Variants in PRKAG2 observed in about 807,000 individuals in gnomAD.
The protein encoded by PRKAG2 is protein kinase AMP-activated non-catalytic subunit gamma 2.
PRKAG2 carries 26 observed loss-of-function variants against 69.6 expected under a neutral mutation model. The observed-to-expected ratio is 0.37, with a 90% CI of 0.27 to 0.52. PRKAG2 has a LOEUF of 0.52. PRKAG2 is among the 20% of genes least tolerant of loss of function. The pLI, the probability that PRKAG2 is intolerant of heterozygous loss-of-function variation, is 0.90. For missense variants in PRKAG2, 557 were observed against 740.0 expected, an observed-to-expected ratio of 0.75 and a Z score of 2.87; for synonymous variants, 293 against 285.0, an observed-to-expected ratio of 1.03 and a Z score of -0.28.
At position 151,650,093 on chromosome 7, in the gene PRKAG2, C is replaced by T. The variant is rs531953329; in HGVS notation, c.685-17955G>A. Among the ~76,000 whole-genome samples, 36 of 152,144 alleles carry T rather than the reference C, an allele frequency of 2.4e-4. No individual in the cohort carries two copies. In the South Asian group the frequency reaches 5.8e-3, roughly 25 times the overall value. On this transcript the variant is annotated intron_variant, in intron 4 of 15. Transcript: ENST00000287878. ...AAAATTAGCCGGACACGGTGGCACG[C>T]GCCTATAGTCCCAGCTACTCAGGAG... is the stretch of plus-strand genomic sequence containing the variant.
intron 3 of PRKAG2, among the ~76,000 whole-genome samples, chr7:151,747,870 G>A (rs1358702528): frequency 6.6e-6 from 1 of 151,712 alleles, no homozygotes; most frequent in East Asian, 1.9e-4. Flanking sequence ...CACTCTCAGT[G>A]GGGCTAAGGG....
At chr7:151,863,903 C>CAA (rs60123822) in intron 1 of PRKAG2, among the ~76,000 whole-genome samples, 2 of 143,906 alleles carry the variant, frequency 1.4e-5, no homozygotes, top group African/African-American at 2.6e-5. Flanking sequence ...AACCCTGTCT[C>CAA]AAAAAAAAAA....
At position 151,777,543 on chromosome 7, in the gene PRKAG2, C is replaced by T. The variant is rs571484038; in HGVS notation, c.466+3609G>A. Among the ~76,000 whole-genome samples the T allele has an allele frequency of 1.1e-4, 16 of 152,280 alleles. No homozygotes were observed. The highest frequency in any genetic ancestry group is 2.1e-4 in the South Asian group (1 of 4,830). ...CTCCCCCCTCTCTCTTGCTCCCTTG[C>T]GTGTGAGCTCTGCATACCCCGGCTT... On this transcript the variant is annotated intron_variant, in intron 3 of 15. Coordinates refer to ENST00000287878, the MANE Select transcript of PRKAG2 (RefSeq NM_016203.4). This position sits in a 1 kb window ranked among gnomAD's most constrained non-coding sequence, Gnocchi z 4.3.
chr7:151,807,158 C>T lies in PRKAG2; in HGVS notation c.115-20617G>A, dbSNP rs2078153250. ...CCAGATCACACTGTGGCGGTGGTCA[C>T]ATGACTGTGCACACTTACGACAACC... On this transcript the variant is annotated intron_variant, in intron 1 of 15. Coordinates refer to ENST00000287878, the MANE Select transcript of PRKAG2 (RefSeq NM_016203.4). This position sits in a 1 kb window ranked among gnomAD's most constrained non-coding sequence, Gnocchi z 4.4. 5.4e-6 allele frequency: 2 copies of T among 371,036 alleles called. No homozygotes were observed. Among genetic ancestry groups the T allele is most frequent in the Admixed American group, 7.1e-5 (2 of 28,296 alleles). The allele number at this position is 371,036 out of a possible 1,614,324, so 23.0% of individuals were successfully genotyped here.
intron 1 of PRKAG2, among the ~76,000 whole-genome samples, chr7:151,808,301 T>C (rs1242721959): frequency 6.6e-6 from 1 of 152,214 alleles, no homozygotes; most frequent in Non-Finnish European, 1.5e-5. Flanking sequence ...AAAAATACTC[T>C]GGATTCTTTT....
At chr7:151,842,692 GT>G (rs1412838110) in intron 1 of PRKAG2, among the ~76,000 whole-genome samples, 1 of 151,286 alleles carries the variant, frequency 6.6e-6, no homozygotes, top group Non-Finnish European at 1.5e-5. Context: ...GTGATGGTAG[GT>G]AGGGATGATG....
In PRKAG2 at chr7:151,632,324, C is replaced by G. The variant is rs1331753356; in HGVS notation, c.685-186G>C. 7 of 670,398 alleles carry G rather than the reference C, an allele frequency of 1.0e-5. No individual in the cohort carries two copies. In the South Asian group the frequency reaches 3.4e-4, roughly 33 times the overall value. 41.5% of individuals were successfully genotyped at this position (670,398 alleles called of 1,614,324 possible). On this transcript the variant is annotated intron_variant, in intron 4 of 15. Transcript: ENST00000287878. This position sits in a 1 kb window ranked among gnomAD's most constrained non-coding sequence, Gnocchi z 4.2. Reference sequence around the variant, plus strand: ...AGCGCTGCCCCCACCCGCCCGAGGCCGCCGCCGCCGCCGCAGGTGGCGCGG... The same window carrying G: ...AGCGCTGCCCCCACCCGCCCGAGGCGGCCGCCGCCGCCGCAGGTGGCGCGG...
At chr7:151,727,279 G>A (rs117649944) in intron 3 of PRKAG2, among the ~76,000 whole-genome samples, 108 of 152,280 alleles carry the variant, frequency 7.1e-4, no homozygotes, top group Non-Finnish European at 1.3e-3. Context: ...GGTGGGCTTT[G>A]AGGCAGACCT....
At chr7:151,708,889 G>A (rs2151596252) in intron 3 of PRKAG2, among the ~76,000 whole-genome samples, 1 of 152,294 alleles carries the variant, frequency 6.6e-6, no homozygotes, top group African/African-American at 2.4e-5. Flanking sequence ...GGGCACCCAT[G>A]GACAGAGCTG....
At chr7:151,665,840 C>T (rs1013984414) in intron 4 of PRKAG2, among the ~76,000 whole-genome samples, 6 of 152,040 alleles carry the variant, frequency 3.9e-5, no homozygotes, top group African/African-American at 1.2e-4. Context: ...TAATGTCAAG[C>T]GATTTGAGAT....
intron 1 of PRKAG2, among the ~76,000 whole-genome samples, chr7:151,811,716 C>A (rs1372504313): frequency 6.6e-6 from 1 of 152,208 alleles, no homozygotes; most frequent in Non-Finnish European, 1.5e-5. Flanking sequence ...AGCCTGCCCA[C>A]TAGGAAGGGA....
rs146354968 is a variant in PRKAG2 at position 151,615,228 on chromosome 7, T to C, written c.754+16841A>G. 2.2e-3 allele frequency among the ~76,000 whole-genome samples: 333 copies of C among 152,336 alleles called. 1 individual carries two copies. The highest frequency in any genetic ancestry group is 7.6e-3 in the African/African-American group (315 of 41,572). On this transcript the variant is annotated intron_variant, in intron 5 of 15. Transcript: ENST00000287878. ...GATCTCATTCTTTTTTATGCCTATA[T>C]AGTATTCCATGGTGTATATGTACCA...
At chr7:151,808,776 T>TCCAGGCA (rs2078257192) in intron 1 of PRKAG2, among the ~76,000 whole-genome samples, 1 of 152,002 alleles carries the variant, frequency 6.6e-6, no homozygotes, top group Non-Finnish European at 1.5e-5. Context: ...GACAGATGGC[T>TCCAGGCA]GCGCGGCCTG....
intron 6 of PRKAG2, among the ~76,000 whole-genome samples, chr7:151,586,611 C>A (rs1811745676): frequency 6.6e-6 from 1 of 152,194 alleles, no homozygotes; most frequent in Admixed American, 6.5e-5. Context: ...CTATTGTGGG[C>A]TTTAGTTTCC....
In PRKAG2 at chr7:151,782,293, AAAGAAAGGAAGGAAGGAAGGAAGG is replaced by A. The variant is rs1563662221; in HGVS notation, c.187-886_187-863del. On this transcript the variant is annotated intron_variant, in intron 2 of 15. Coordinates refer to ENST00000287878, the MANE Select transcript of PRKAG2 (RefSeq NM_016203.4). Reference sequence around the variant, plus strand: ...ACGAGACTCCATTTCAAGAGAAAGGAAAGAAAGGAAGGAAGGAAGGAAGGAAGGAAGGAAGGAAGGAAGGAAGGA... The same window carrying A: ...ACGAGACTCCATTTCAAGAGAAAGGAAAGGAAGGAAGGAAGGAAGGAAGGA... Among the ~76,000 whole-genome samples, 28 of 94,782 alleles carry A rather than the reference AAAGAAAGGAAGGAAGGAAGGAAGG, an allele frequency of 3.0e-4. 1 individual carries two copies. Among genetic ancestry groups the A allele is most frequent in the Admixed American group, 2.4e-3 (22 of 9,312 alleles). The allele number at this position is 94,782 out of a possible 152,430, so 62.2% of individuals were successfully genotyped here. A position where few individuals can be genotyped will look rare whatever the true frequency, so the allele number is the denominator to read the frequency against.
chr7:151,726,402 GCA>G (rs150006055), intron 3 of PRKAG2, among the ~76,000 whole-genome samples: 1 of 101,906 alleles, frequency 9.8e-6, no homozygotes, highest in African/African-American at 3.7e-5. Context: ...ACACACACAC[GCA>G]CACACACACA....
chr7:151,679,634 C>T (rs989856507), intron 3 of PRKAG2, among the ~76,000 whole-genome samples: 7 of 152,186 alleles, frequency 4.6e-5, no homozygotes, highest in African/African-American at 1.7e-4. Context: ...TGACCTGTGA[C>T]AGCCCTGCAG....
At chr7:151,657,086 G>A (rs539525688) in intron 4 of PRKAG2, among the ~76,000 whole-genome samples, 38 of 150,976 alleles carry the variant, frequency 2.5e-4, no homozygotes, top group African/African-American at 6.6e-4. Context: ...GCAATGAGCT[G>A]AGATTGTGCC....
At chr7:151,654,768 C>T (rs1205395376) in intron 4 of PRKAG2, among the ~76,000 whole-genome samples, 3 of 152,226 alleles carry the variant, frequency 2.0e-5, no homozygotes, top group Non-Finnish European at 2.9e-5. Context: ...TCTTGGCTTG[C>T]TGCAACCTCC....
Sources: allele counts gnomAD v4.1 joint callset (sites outside exome capture counted in the v4.1 genomes callset), GRCh38; gene constraint gnomAD v4.1.1; non-coding constraint Gnocchi (gnomAD v3.1); transcripts MANE v1.5; gene names NCBI Gene and HGNC (gene_info 2026-07-23, HGNC 2026-07-21).